NRG1: variants seen among roughly 807,000 people sequenced by gnomAD.
NRG1 encodes pro-neuregulin-1, membrane-bound isoform.
NRG1 carries 18 observed loss-of-function variants against 63.8 expected under a neutral mutation model. The observed-to-expected ratio is 0.28, with a 90% CI of 0.19 to 0.42. The LOEUF (loss-of-function observed/expected upper bound fraction) is 0.42. Ranked by LOEUF, NRG1 falls within the 10% of genes least tolerant of loss-of-function variation. The pLI, the probability that NRG1 is intolerant of heterozygous loss-of-function variation, is 1.00. For missense variants in NRG1, 762 were observed against 814.7 expected (o/e 0.94, Z 0.79); for synonymous variants, 302 against 301.3 (o/e 1.00, Z -0.02).
intron 1 of NRG1, among the ~76,000 whole-genome samples, chr8:32,130,090 G>C (rs1318947819): frequency 1.3e-5 from 2 of 151,810 alleles, no homozygotes; most frequent in Non-Finnish European, 2.9e-5. Context: ...TAACGTCATC[G>C]TTTATTCAGA....
chr8:32,722,314 C>T (rs1259350073), intron 5 of NRG1, among the ~76,000 whole-genome samples: 3 of 152,128 alleles, frequency 2.0e-5, no homozygotes, highest in Non-Finnish European at 2.9e-5. Flanking sequence ...TTTTTATCAG[C>T]AGTTTGCATT....
At chr8:32,732,551 G>A (rs1441836592) in intron 6 of NRG1, among the ~76,000 whole-genome samples, 2 of 152,088 alleles carry the variant, frequency 1.3e-5, no homozygotes, top group African/African-American at 4.8e-5. Context: ...ACAGTCTTAT[G>A]TCCTTTCACT....
intron 1 of NRG1, among the ~76,000 whole-genome samples, chr8:32,256,229 T>A (rs185120996): frequency 6.6e-6 from 1 of 152,304 alleles, no homozygotes; most frequent in Admixed American, 6.5e-5. Flanking sequence ...GTTCCCTTGC[T>A]GGTGAGGAGT....
chr8:31,786,317 T>C (rs1371455678), intron 1 of NRG1, among the ~76,000 whole-genome samples: 1 of 152,184 alleles, frequency 6.6e-6, no homozygotes, highest in Admixed American at 6.5e-5. Flanking sequence ...AACCAAAGTG[T>C]CTTTTCTATT....
chr8:32,674,352 A>T (rs1054013556), intron 5 of NRG1, among the ~76,000 whole-genome samples: 1 of 152,190 alleles, frequency 6.6e-6, no homozygotes, highest in African/African-American at 2.4e-5. Context: ...AGCTCATGAA[A>T]TTTCTCACCT....
intron 1 of NRG1, among the ~76,000 whole-genome samples, chr8:31,858,397 T>G (rs1482691821): frequency 6.6e-6 from 1 of 152,084 alleles, no homozygotes; most frequent in African/African-American, 2.4e-5. Flanking sequence ...AAAAGCTTGA[T>G]AAGTGGATGC....
chr8:31,947,635 C>G (rs1802782449), intron 1 of NRG1, among the ~76,000 whole-genome samples: 1 of 151,942 alleles, frequency 6.6e-6, no homozygotes, highest in Non-Finnish European at 1.5e-5. Context: ...AGTCACATGC[C>G]ATGCAAACGT....
At chr8:32,578,377 A>G (rs527907647) in intron 1 of NRG1, among the ~76,000 whole-genome samples, 4 of 152,300 alleles carry the variant, frequency 2.6e-5, no homozygotes, top group African/African-American at 7.2e-5. Context: ...TATTGCTTCA[A>G]ATTGTTCATG....
At chr8:31,960,162 T>C (rs1391550365) in intron 1 of NRG1, among the ~76,000 whole-genome samples, 1 of 152,212 alleles carries the variant, frequency 6.6e-6, no homozygotes, top group African/African-American at 2.4e-5. Flanking sequence ...GGATTACTAA[T>C]GACAGGTTGG....
At chr8:32,646,477 C>T (rs540906415) in intron 5 of NRG1, among the ~76,000 whole-genome samples, 1 of 152,286 alleles carries the variant, frequency 6.6e-6, no homozygotes, top group African/African-American at 2.4e-5. Flanking sequence ...GAAAAGCTTA[C>T]CTCTCTAGGG....
intron 1 of NRG1, among the ~76,000 whole-genome samples, chr8:31,692,722 G>T (rs1277937130): frequency 1.3e-5 from 2 of 152,132 alleles, no homozygotes; most frequent in African/African-American, 4.8e-5. Context: ...CATACTTCAC[G>T]AAGTAAATTA....
intron 1 of NRG1, among the ~76,000 whole-genome samples, chr8:31,976,505 A>G (rs991120629): frequency 3.9e-5 from 6 of 152,174 alleles, no homozygotes; most frequent in South Asian, 2.1e-4. Context: ...AAATTAGTTT[A>G]TTATAATATG....
chr8:32,432,735 C>T (rs531768503), intron 1 of NRG1, among the ~76,000 whole-genome samples: 8 of 152,114 alleles, frequency 5.3e-5, no homozygotes, highest in African/African-American at 9.6e-5. Flanking sequence ...CTCAAGCAAT[C>T]CTCCTGCCTC....
chr8:32,277,693 G>A (rs1384910455), intron 1 of NRG1, among the ~76,000 whole-genome samples: 1 of 152,136 alleles, frequency 6.6e-6, no homozygotes, highest in Non-Finnish European at 1.5e-5. Flanking sequence ...TAACTATCGG[G>A]AGTTGGGGGA....
intron 7 of NRG1, 145 bp from the exon 8 acceptor site, chr8:32,754,227 C>A: frequency 1.4e-6 from 1 of 695,574 alleles, no homozygotes; most frequent in South Asian, 1.7e-5. Flanking sequence ...TGTACCTTAG[C>A]TATGTGTGTA....
intron 1 of NRG1, among the ~76,000 whole-genome samples, chr8:32,004,110 C>T (rs1813365033): frequency 6.6e-6 from 1 of 151,776 alleles, no homozygotes; most frequent in Non-Finnish European, 1.5e-5. Flanking sequence ...ATATACATTC[C>T]TAAGTGGCAG....
intron 1 of NRG1, among the ~76,000 whole-genome samples, chr8:32,465,982 T>A (rs1030578425): frequency 6.6e-6 from 1 of 152,158 alleles, no homozygotes; most frequent in African/African-American, 2.4e-5. Flanking sequence ...TGATGAGCCT[T>A]CAGATAATTT....
At position 32,516,771 on chromosome 8, in the gene NRG1, G is replaced by C. The variant is rs538674487; in HGVS notation, c.38-79057G>C. 2.0e-3 allele frequency among the ~76,000 whole-genome samples: 310 copies of C among 152,242 alleles called. 2 individuals are homozygous for C. Among genetic ancestry groups the C allele is most frequent in the Middle Eastern group, 0.014 (4 of 294 alleles). On this transcript the variant is annotated intron_variant, in intron 1 of 10. Transcript: ENST00000519301. ...ATTGTTTTATAAAAGCCACAAAAAT[G>C]TTCCATTAGCTAAAAGTCACGTTTC...
intron 1 of NRG1, among the ~76,000 whole-genome samples, chr8:31,743,824 T>C (rs528392567): frequency 3.3e-5 from 5 of 152,132 alleles, no homozygotes; most frequent in African/African-American, 1.2e-4. Flanking sequence ...TGAGAATTAT[T>C]CTTTATATGA....
Sources: gnomAD v4.1 joint callset for allele counts (sites outside exome capture counted in the v4.1 genomes callset) on GRCh38, gnomAD v4.1.1 for gene constraint, MANE v1.5 for transcripts, NCBI Gene and HGNC (gene_info 2026-07-23, HGNC 2026-07-21) for gene names.